The following TUBB3 variants were observed in gnomAD, a reference collection of about 807,000 sequenced individuals.
TUBB3 encodes tubulin beta-3 chain.
A neutral mutation model predicts 37.8 loss-of-function variants in TUBB3; 17 were observed. The observed-to-expected ratio is 0.45, with a 90% CI of 0.31 to 0.67. TUBB3 has a LOEUF of 0.67. Ranked by LOEUF, TUBB3 falls within the 30% of genes least tolerant of loss-of-function variation. The pLI is 0.07. For missense variants in TUBB3, 262 were observed against 657.9 expected (o/e 0.40, Z 6.58); for synonymous variants, 332 against 278.9 (o/e 1.19, Z -1.90).
At chr16:89,926,384 G>A (rs1288308430) in intron 1 of TUBB3, among the ~76,000 whole-genome samples, 1 of 152,246 alleles carries the variant, frequency 6.6e-6, no homozygotes, top group Non-Finnish European at 1.5e-5. Flanking sequence ...TCGGGTCCTG[G>A]AGGGGCTTGG....
chr16:89,931,847 G>A (rs925372122), intron 1 of TUBB3: 3 of 423,826 alleles, frequency 7.1e-6, no homozygotes, highest in Non-Finnish European at 1.4e-5. Context: ...ACCTGCTCTA[G>A]GGGGAGAGAG....
intron 1 of TUBB3, chr16:89,932,011 C>T (rs1405759562): frequency 7.2e-6 from 2 of 276,574 alleles, no homozygotes; most frequent in African/African-American, 4.4e-5. Context: ...ATGAGACTGG[C>T]TCTCAGAGTC....
Position 89,926,646 on chromosome 16 carries a change from T to G in TUBB3, c.57+3188T>G, listed in dbSNP as rs555372054. Among the ~76,000 whole-genome samples, 412 of 152,380 alleles carry G rather than the reference T, an allele frequency of 2.7e-3. 1 individual carries two copies. The highest frequency in any genetic ancestry group is 9.6e-3 in the African/African-American group (398 of 41,600). ...TGGCGTCCAGAGGCGCGATCTCGGC[T>G]CACTGCAGCCTCGGCCTCCCGAGTA... On this transcript the variant is annotated intron_variant, in intron 1 of 3. Coordinates refer to ENST00000315491, the MANE Select transcript of TUBB3 (RefSeq NM_006086.4).
chr16:89,930,051 CCTTCCTTCCTCT>C (rs1479306720), intron 1 of TUBB3, among the ~76,000 whole-genome samples: 3 of 129,328 alleles, frequency 2.3e-5, no homozygotes, highest in Admixed American at 7.7e-5. Context: ...TTCCTTCCTT[CCTTCCTTCCTCT>C]CTCTCTCTCT....
intron 2 of TUBB3, chr16:89,933,050 C>T: frequency 2.1e-6 from 1 of 465,746 alleles, no homozygotes; most frequent in Admixed American, 3.1e-5. Flanking sequence ...ATTTCCATAT[C>T]AAAGTGGTGA....
At position 89,935,893 on chromosome 16, in the gene TUBB3, C is replaced by G; in HGVS notation, c.*89C>G. 6.8e-7 allele frequency: 1 copy of G among 1,466,996 alleles called. No individual in the cohort carries two copies. Among genetic ancestry groups the G allele is most frequent in the East Asian group, 2.5e-5 (1 of 40,422 alleles). 90.9% of individuals were successfully genotyped at this position (1,466,996 alleles called of 1,614,324 possible). ...CCCCGGAGCCATCTTGCTGCCGACA[C>G]CCTGCTTTCCCCTCGCCCTAGGGCT... On this transcript the variant is annotated 3_prime_UTR_variant, in exon 4 of 4. Coordinates refer to ENST00000315491, the MANE Select transcript of TUBB3 (RefSeq NM_006086.4).
intron 1 of TUBB3, among the ~76,000 whole-genome samples, chr16:89,927,435 T>A (rs28508073): frequency 2.0e-5 from 3 of 152,098 alleles, no homozygotes; most frequent in African/African-American, 7.2e-5. Flanking sequence ...AATTATAATT[T>A]TATTAATTTT....
At chr16:89,926,048 G>A (rs1030075486) in intron 1 of TUBB3, among the ~76,000 whole-genome samples, 3 of 152,184 alleles carry the variant, frequency 2.0e-5, no homozygotes, top group African/African-American at 2.4e-5. Flanking sequence ...CACCCCGGGG[G>A]GGGCAGGGGC....
upstream of TUBB3, chr16:89,922,664 A>T (rs113361198): frequency 1.3e-5 from 2 of 152,044 alleles, no homozygotes; most frequent in African/African-American, 4.8e-5. Context: ...CGGGCCCACA[A>T]AGCTCCTTTG....
At chr16:89,923,643 G>A (rs2029966295) in intron 1 of TUBB3, among the ~76,000 whole-genome samples, 185 bp downstream of exon 1, 1 of 152,162 alleles carries the variant, frequency 6.6e-6, no homozygotes, top group Admixed American at 6.5e-5. Context: ...GCACCTCTCT[G>A]CCCCTGCCCA....
chr16:89,929,966 C>T (rs2030221879), intron 1 of TUBB3, among the ~76,000 whole-genome samples: 1 of 151,986 alleles, frequency 6.6e-6, no homozygotes, highest in Non-Finnish European at 1.5e-5. Context: ...TCCCAAAGTA[C>T]TGGGATTACA....
intron 1 of TUBB3, among the ~76,000 whole-genome samples, chr16:89,924,076 C>T (rs1356603215): frequency 1.3e-5 from 2 of 152,212 alleles, no homozygotes; most frequent in African/African-American, 2.4e-5. Context: ...CGCTCCTGGG[C>T]AACCCCCGCG....
upstream of TUBB3, among the ~76,000 whole-genome samples, chr16:89,922,899 C>G (rs1339006311): frequency 6.6e-6 from 1 of 152,262 alleles, no homozygotes; most frequent in Non-Finnish European, 1.5e-5. Flanking sequence ...CTCAGAGCAC[C>G]TTGTCTGCCA....
At chr16:89,932,840 C>T (rs2030325300) in intron 2 of TUBB3, 161 bp downstream of exon 2, 1 of 667,796 alleles carries the variant, frequency 1.5e-6, no homozygotes, top group Non-Finnish European at 2.7e-6. Context: ...GGATGTCAGG[C>T]ATCCAGACGC....
intron 1 of TUBB3, among the ~76,000 whole-genome samples, chr16:89,927,274 A>G (rs186712944): frequency 6.6e-6 from 1 of 151,952 alleles, no homozygotes; most frequent in African/African-American, 2.4e-5. Context: ...GGTCCCAGCT[A>G]CTTGGGAGAC....
At position 89,930,393 on chromosome 16, in the gene TUBB3, G is replaced by A. The variant is rs542136122; in HGVS notation, c.58-2178G>A. 2.1e-3 allele frequency among the ~76,000 whole-genome samples: 313 copies of A among 151,928 alleles called. 9 individuals carry two copies. The highest frequency in any genetic ancestry group is 0.02 in the Admixed American group (305 of 15,234). ...GCAGGGATTATGGGGGTGAGCCACC[G>A]TGCCCAGCTATGAGTGGTTTTGTTT... is the stretch of plus-strand genomic sequence containing the variant. On this transcript the variant is annotated intron_variant, in intron 1 of 3. Coordinates refer to ENST00000315491, the MANE Select transcript of TUBB3 (RefSeq NM_006086.4).
At chr16:89,933,604 G>GAT in intron 3 of TUBB3, 26 bp downstream of exon 3, 2 of 1,583,784 alleles carry the variant, frequency 1.3e-6, no homozygotes, top group Non-Finnish European at 1.7e-6. Flanking sequence ...TCCAAGCTCT[G>GAT]ATGGCAGACC....
Position 89,930,566 on chromosome 16 carries a change from G to C in TUBB3, c.58-2005G>C, listed in dbSNP as rs569437370. On this transcript the variant is annotated intron_variant, in intron 1 of 3. Transcript: ENST00000315491. ...AGCTTCCGGAGTAGCTGGAACGTGTGAGCCACCACCCCTGGCTAATTTTTG... is the reference window on the plus strand; with the variant it reads ...AGCTTCCGGAGTAGCTGGAACGTGTCAGCCACCACCCCTGGCTAATTTTTG... Among the ~76,000 whole-genome samples the C allele has an allele frequency of 4.6e-5, 7 of 151,756 alleles. No homozygotes were observed. The South Asian group carries it at 8.3e-4, about 18-fold the overall frequency.
At chr16:89,932,797 G>A (rs1450293657) in intron 2 of TUBB3, 118 bp downstream of exon 2, 7 of 841,696 alleles carry the variant, frequency 8.3e-6, no homozygotes, top group Non-Finnish European at 1.4e-5. Flanking sequence ...CCTCCCATGG[G>A]TTAGGTTGGC....
Sources: allele counts gnomAD v4.1 joint callset (sites outside exome capture counted in the v4.1 genomes callset), GRCh38; gene constraint gnomAD v4.1.1; transcripts MANE v1.5; gene names NCBI Gene and HGNC (gene_info 2026-07-23, HGNC 2026-07-21).